CHMP2B: variants seen among roughly 807,000 people sequenced by gnomAD.
The protein encoded by CHMP2B is VPS2 homolog B.
In CHMP2B, 22 loss-of-function variants were observed where a neutral mutation model predicts 29.8. The ratio of observed to expected loss-of-function variants is 0.74; its 90% CI spans 0.53 to 1.05. CHMP2B has a LOEUF of 1.05. CHMP2B is among the 50% of genes least tolerant of loss of function. The probability of loss-of-function intolerance (pLI) is 0.00; values close to 1 mark genes in which losing one functional copy is unlikely to be tolerated. For synonymous variants in CHMP2B, 78 were observed against 75.8 expected (o/e 1.03, Z -0.15); for missense variants, 261 against 252.2 (o/e 1.03, Z -0.24).
At chr3:87,251,143 T>C (rs182558144) in intron 4 of CHMP2B, among the ~76,000 whole-genome samples, 103 of 152,050 alleles carry the variant, frequency 6.8e-4, no homozygotes, top group African/African-American at 2.4e-3. Context: ...GTTACCAGGG[T>C]TAATAAACTC....
At chr3:87,241,459 G>A (rs1575966769) in intron 2 of CHMP2B, among the ~76,000 whole-genome samples, 4 of 151,982 alleles carry the variant, frequency 2.6e-5, no homozygotes, top group African/African-American at 7.2e-5. Context: ...TCCCTCCTAC[G>A]CATCCCTGCC....
chr3:87,251,017 G>T (rs1706305851), intron 4 of CHMP2B, among the ~76,000 whole-genome samples: 1 of 151,840 alleles, frequency 6.6e-6, no homozygotes, highest in Non-Finnish European at 1.5e-5. Context: ...ATGAAAAATA[G>T]AAAATTAAAT....
chr3:87,239,746 C>A (rs181157476), intron 1 of CHMP2B, among the ~76,000 whole-genome samples: 4 of 152,206 alleles, frequency 2.6e-5, no homozygotes, highest in South Asian at 2.1e-4. Context: ...CAAATGAATT[C>A]AGATAAATTA....
chr3:87,237,203 T>TTA (rs1399131266), intron 1 of CHMP2B, among the ~76,000 whole-genome samples: 2 of 152,148 alleles, frequency 1.3e-5, no homozygotes, highest in Non-Finnish European at 2.9e-5. Context: ...AAGATGTGTA[T>TTA]TATGGGCTGA....
chr3:87,240,674 T>G, intron 1 of CHMP2B, 25 bp from the exon 2 acceptor site: 1 of 1,477,752 alleles, frequency 6.8e-7, no homozygotes, highest in Non-Finnish European at 9.5e-7. Context: ...CCCATAAATT[T>G]AGGTTTCTTT....
At chr3:87,227,685 C>G in intron 1 of CHMP2B, 129 bp downstream of exon 1, 1 of 1,189,288 alleles carries the variant, frequency 8.4e-7, no homozygotes, top group South Asian at 1.2e-5. Flanking sequence ...CAGGTGACCG[C>G]CCTCGCGGCA....
At chr3:87,236,048 A>G (rs1161367152) in intron 1 of CHMP2B, among the ~76,000 whole-genome samples, 3 of 152,190 alleles carry the variant, frequency 2.0e-5, no homozygotes, top group African/African-American at 7.2e-5. Flanking sequence ...CAGAGCTCCC[A>G]TGCCCTCTCT....
At chr3:87,235,175 A>G (rs1216001295) in intron 1 of CHMP2B, among the ~76,000 whole-genome samples, 2 of 152,200 alleles carry the variant, frequency 1.3e-5, no homozygotes, top group Admixed American at 1.3e-4. Flanking sequence ...TAATCTTGGG[A>G]TGGAATCATA....
chr3:87,246,078 A>T (rs916281227), intron 3 of CHMP2B, among the ~76,000 whole-genome samples, 170 bp downstream of exon 3: 1 of 151,566 alleles, frequency 6.6e-6, no homozygotes, highest in Admixed American at 6.6e-5. Flanking sequence ...TTACTTCTAG[A>T]TTCTTTATTG....
chr3:87,242,848 G>T (rs1706144594), intron 2 of CHMP2B, among the ~76,000 whole-genome samples: 2 of 152,070 alleles, frequency 1.3e-5, no homozygotes, highest in African/African-American at 4.8e-5. Flanking sequence ...GTTTAAATAA[G>T]TCTAAAAGTT....
rs1490015549 is a variant in CHMP2B at position 87,227,396 on chromosome 3, ACCT to A, written c.-120_-118del. 12 of 1,067,926 alleles carry A rather than the reference ACCT, an allele frequency of 1.1e-5. No homozygotes were observed. Among genetic ancestry groups the A allele is most frequent in the Non-Finnish European group, 1.6e-5 (11 of 693,800 alleles). The allele number at this position is 1,067,926 out of a possible 1,614,324, so 66.2% of individuals were successfully genotyped here. ...CCGCGGGTCCTGCCTGGCGACCCCG[ACCT>A]CCTCCTGCTGTCTCTCCGCTCCGCC... is the stretch of plus-strand genomic sequence containing the variant. On this transcript the variant is annotated 5_prime_UTR_variant, in exon 1 of 6. Transcript: ENST00000263780.
intron 2 of CHMP2B, among the ~76,000 whole-genome samples, chr3:87,243,656 T>C (rs1364247245): frequency 6.6e-6 from 1 of 152,184 alleles, no homozygotes. Flanking sequence ...AAACTACAAA[T>C]TCTGTTTTAA....
At chr3:87,249,399 A>G (rs373044775) in intron 3 of CHMP2B, among the ~76,000 whole-genome samples, 18 of 152,124 alleles carry the variant, frequency 1.2e-4, no homozygotes, top group African/African-American at 4.1e-4. Flanking sequence ...TTCAAAGCTC[A>G]CATTTTTATA....
At chr3:87,246,499 T>C (rs1386928) in intron 3 of CHMP2B, among the ~76,000 whole-genome samples, 58,376 of 152,042 alleles carry the variant, frequency 0.38, 11,654 homozygotes, top group South Asian at 0.57. Context: ...CTTTTAAAAG[T>C]ATTTGCTTTT....
chr3:87,249,567 G>A (rs545264069), intron 3 of CHMP2B, among the ~76,000 whole-genome samples: 101 of 147,924 alleles, frequency 6.8e-4, no homozygotes, highest in African/African-American at 2.4e-3. Context: ...CACAAAAACA[G>A]GTAAATTTTA....
chr3:87,238,941 C>T (rs927883379), intron 1 of CHMP2B, among the ~76,000 whole-genome samples: 3 of 152,184 alleles, frequency 2.0e-5, no homozygotes, highest in African/African-American at 7.2e-5. Context: ...TTCACATCTT[C>T]ATTAACACTT....
chr3:87,232,453 G>C (rs1379673664), intron 1 of CHMP2B, among the ~76,000 whole-genome samples: 1 of 151,990 alleles, frequency 6.6e-6, no homozygotes, highest in Admixed American at 6.6e-5. Flanking sequence ...CCTTATTCTG[G>C]ATATTTAAAA....
At chr3:87,234,752 A>T (rs1273291030) in intron 1 of CHMP2B, among the ~76,000 whole-genome samples, 1 of 152,214 alleles carries the variant, frequency 6.6e-6, no homozygotes, top group Non-Finnish European at 1.5e-5. Flanking sequence ...CTGAAGAAAG[A>T]AGCAGAGGAT....
At chr3:87,250,126 G>A in intron 4 of CHMP2B, 149 bp downstream of exon 4, 1 of 565,708 alleles carries the variant, frequency 1.8e-6, no homozygotes, top group Admixed American at 3.0e-5. Context: ...TTAACTGAGG[G>A]AAGGTATAAA....
Sources: allele counts gnomAD v4.1 joint callset (sites outside exome capture counted in the v4.1 genomes callset), GRCh38; gene constraint gnomAD v4.1.1; transcripts MANE v1.5; gene names NCBI Gene and HGNC (gene_info 2026-07-23, HGNC 2026-07-21).